Variants in SNAP29 observed in about 807,000 individuals in gnomAD.
SNAP29 encodes the protein synaptosome associated protein 29.
In SNAP29, 13 loss-of-function variants were observed where a neutral mutation model predicts 27.9. That is an observed-to-expected ratio of 0.47 (90% CI 0.30 to 0.74). The LOEUF (loss-of-function observed/expected upper bound fraction) is 0.74. Among genes scored for constraint, SNAP29 ranks in the 30% least tolerant of loss-of-function variants. The pLI is 0.06. For synonymous variants in SNAP29, 119 were observed against 127.1 expected (o/e 0.94, Z 0.43); for missense variants, 368 against 336.5 (o/e 1.09, Z -0.73).
At chr22:20,864,755 C>T (rs1046967121) in intron 1 of SNAP29, among the ~76,000 whole-genome samples, 16 of 152,196 alleles carry the variant, frequency 1.1e-4, no homozygotes, top group East Asian at 5.8e-4. Context: ...TGTCCTTAAG[C>T]GTTATTGGCG....
chr22:20,884,605 C>T (rs766715294), intron 4 of SNAP29, among the ~76,000 whole-genome samples: 23 of 152,132 alleles, frequency 1.5e-4, no homozygotes, highest in Non-Finnish European at 2.8e-4. Context: ...CTCTCAGGAC[C>T]CTTGTGTTTC....
intron 2 of SNAP29, among the ~76,000 whole-genome samples, chr22:20,873,988 A>C (rs1187898716): frequency 6.8e-6 from 1 of 147,604 alleles, no homozygotes; most frequent in Admixed American, 6.8e-5. Flanking sequence ...AAAAAAAAAA[A>C]AAAAAGGCCG....
chr22:20,880,505 CAA>C (rs763227531), intron 2 of SNAP29, among the ~76,000 whole-genome samples: 25 of 102,332 alleles, frequency 2.4e-4, no homozygotes, highest in East Asian at 2.7e-4. Flanking sequence ...GACTCCATCT[CAA>C]AAAAAAAAAA....
intron 1 of SNAP29, among the ~76,000 whole-genome samples, chr22:20,860,850 C>G (rs900437486): frequency 6.7e-6 from 1 of 149,690 alleles, no homozygotes; most frequent in Non-Finnish European, 1.5e-5. Flanking sequence ...GAGTTTGAGA[C>G]CAGCAGGGGT....
At chr22:20,878,097 C>G (rs543796838) in intron 2 of SNAP29, among the ~76,000 whole-genome samples, 3 of 152,222 alleles carry the variant, frequency 2.0e-5, no homozygotes, top group Admixed American at 1.3e-4. Context: ...TCTGGACTTG[C>G]TCTTGCAAGT....
chr22:20,879,111 T>TCC (rs1928822893), intron 2 of SNAP29, among the ~76,000 whole-genome samples: 3 of 151,866 alleles, frequency 2.0e-5, no homozygotes, highest in Non-Finnish European at 4.4e-5. Flanking sequence ...ATCGAGACCA[T>TCC]TCCGGCTAAC....
chr22:20,883,017 ATTTG>A (rs1160410604), intron 3 of SNAP29, among the ~76,000 whole-genome samples: 2 of 142,732 alleles, frequency 1.4e-5, no homozygotes, highest in Non-Finnish European at 3.1e-5. Context: ...TTTTTTGCGT[ATTTG>A]TTTCAAGTGC....
At chr22:20,886,061 A>G (rs914209469) in intron 4 of SNAP29, among the ~76,000 whole-genome samples, 4 of 151,542 alleles carry the variant, frequency 2.6e-5, no homozygotes, top group African/African-American at 9.7e-5. Context: ...TCCATGGAGC[A>G]CGAGGCCATG....
chr22:20,865,630 A>C (rs1928440496), intron 1 of SNAP29, among the ~76,000 whole-genome samples: 1 of 152,208 alleles, frequency 6.6e-6, no homozygotes, highest in African/African-American at 2.4e-5. Context: ...GGGGTTCCCA[A>C]GACTACCCTC....
At chr22:20,870,098 G>A (rs1336803410) in intron 1 of SNAP29, among the ~76,000 whole-genome samples, 1 of 152,108 alleles carries the variant, frequency 6.6e-6, no homozygotes, top group Non-Finnish European at 1.5e-5. Flanking sequence ...GGCGCCATGA[G>A]CCAGCCTCTC....
chr22:20,873,649 G>A (rs770104050), intron 2 of SNAP29, among the ~76,000 whole-genome samples: 1 of 151,576 alleles, frequency 6.6e-6, no homozygotes, highest in Non-Finnish European at 1.5e-5. Flanking sequence ...TGAGCAACAT[G>A]ACAAAACCCC....
intron 2 of SNAP29, among the ~76,000 whole-genome samples, chr22:20,871,266 A>G (rs1928584898): frequency 1.3e-5 from 2 of 151,592 alleles, no homozygotes; most frequent in Admixed American, 1.3e-4. Flanking sequence ...AGGTAGGAGG[A>G]TTGTTTGAGA....
At chr22:20,859,388 G>A (rs1928164511) in intron 1 of SNAP29, 41 bp downstream of exon 1, 1 of 1,364,850 alleles carries the variant, frequency 7.3e-7, no homozygotes, top group African/African-American at 1.4e-5. Context: ...GCCGGTCTCT[G>A]TGCTGTCAAA....
At chr22:20,876,937 G>A (rs1438626659) in intron 2 of SNAP29, among the ~76,000 whole-genome samples, 1 of 152,076 alleles carries the variant, frequency 6.6e-6, no homozygotes. Context: ...TTTGTCTCTT[G>A]GGAAGCCCTG....
rs1928455485 is a variant in SNAP29 at position 20,866,197 on chromosome 22, G to A, written c.238-4140G>A. ...GTTGGCCTGCACACAGACGGCGAGG[G>A]GCACCAGCACTACCGCCTTTGCCCT... On this transcript the variant is annotated intron_variant, in intron 1 of 4. Coordinates refer to ENST00000215730, the MANE Select transcript of SNAP29 (RefSeq NM_004782.4). Among the ~76,000 whole-genome samples, 9 of 152,242 alleles carry A rather than the reference G, an allele frequency of 5.9e-5. No individual in the cohort carries two copies. In the South Asian group the frequency reaches 1.9e-3, roughly 32 times the overall value.
chr22:20,861,994 G>T (rs77560981), intron 1 of SNAP29, among the ~76,000 whole-genome samples: 55 of 152,212 alleles, frequency 3.6e-4, no homozygotes, highest in African/African-American at 1.3e-3. Flanking sequence ...GGTCTCAAAC[G>T]CCTGACCTTA....
chr22:20,883,712 A>G (rs1266025136), intron 4 of SNAP29, 143 bp downstream of exon 4: 2 of 711,224 alleles, frequency 2.8e-6, no homozygotes, highest in Non-Finnish European at 5.2e-6. Flanking sequence ...CCATCTTGCC[A>G]CCTCACTGTC....
In SNAP29 at chr22:20,859,178, C is replaced by T. The variant is rs1450426691; in HGVS notation, c.68C>T (p.Ala23Val). Residue 23 changes from alanine to valine, a missense_variant, in exon 1 of 5, where the codon GCC becomes GTC. Coordinates refer to ENST00000215730, the MANE Select transcript of SNAP29 (RefSeq NM_004782.4). ...GGGGAGGACGAAGGCGCCCGGCCGG[C>T]CCCTTGGAGGGACGCCCGAGACCTC... ...DDGEDEGARP[A>V]PWRDARDLPD... 1.9e-6 allele frequency: 3 copies of T among 1,604,402 alleles called. No homozygotes were observed. The highest frequency in any genetic ancestry group is 2.5e-6 in the Non-Finnish European group (3 of 1,176,854).
intron 1 of SNAP29, among the ~76,000 whole-genome samples, chr22:20,864,756 G>T (rs908246816): frequency 8.5e-5 from 13 of 152,222 alleles, no homozygotes; most frequent in Non-Finnish European, 1.6e-4. Context: ...GTCCTTAAGC[G>T]TTATTGGCGC....
Sources: allele counts gnomAD v4.1 joint callset (sites outside exome capture counted in the v4.1 genomes callset), GRCh38; gene constraint gnomAD v4.1.1; transcripts MANE v1.5; gene names NCBI Gene and HGNC (gene_info 2026-07-23, HGNC 2026-07-21).